ARHGEF7: variants seen among roughly 807,000 people sequenced by gnomAD.
The protein encoded by ARHGEF7 is PAK-interacting exchange factor beta.
In ARHGEF7, 33 loss-of-function variants were observed where a neutral mutation model predicts 109.8. The observed-to-expected ratio is 0.30, with a 90% CI of 0.23 to 0.40. ARHGEF7 has a LOEUF of 0.40. ARHGEF7 is among the 10% of genes least tolerant of loss of function. The probability of loss-of-function intolerance (pLI) is 1.00; values close to 1 mark genes in which losing one functional copy is unlikely to be tolerated. For missense variants in ARHGEF7, 938 were observed against 1,098.5 expected (o/e 0.85, Z 2.07); for synonymous variants, 458 against 424.6 (o/e 1.08, Z -0.97).
At chr13:111,265,370 G>T in intron 8 of ARHGEF7, 1 of 353,202 alleles carries the variant, frequency 2.8e-6, no homozygotes, top group South Asian at 2.1e-5. Context: ...AAAAATGGTT[G>T]AAAAACAGGG....
At chr13:111,203,692 A>T (rs1301611923) in intron 2 of ARHGEF7, among the ~76,000 whole-genome samples, 1 of 152,166 alleles carries the variant, frequency 6.6e-6, no homozygotes, top group African/African-American at 2.4e-5. Flanking sequence ...CTCTTGAGGT[A>T]GTTTTTCAAA....
chr13:111,211,159 A>G, intron 4 of ARHGEF7, among the ~76,000 whole-genome samples: 1 of 152,192 alleles, frequency 6.6e-6, no homozygotes, highest in East Asian at 1.9e-4. Context: ...TCCTCACAGC[A>G]GCCCCGAGAG....
chr13:111,299,394 G>C (rs926705978), intron 19 of ARHGEF7, among the ~76,000 whole-genome samples: 1 of 144,622 alleles, frequency 6.9e-6, no homozygotes, highest in Non-Finnish European at 1.5e-5. Context: ...CCAGGCTGGA[G>C]TGCAGTGGTG....
chr13:111,232,268 C>T (rs780723642), intron 5 of ARHGEF7, among the ~76,000 whole-genome samples: 2 of 152,114 alleles, frequency 1.3e-5, no homozygotes, highest in African/African-American at 4.8e-5. Context: ...CAGTGATGGA[C>T]GCCATACACT....
chr13:111,243,479 T>C (rs958950845), intron 6 of ARHGEF7, among the ~76,000 whole-genome samples: 6 of 152,216 alleles, frequency 3.9e-5, no homozygotes, highest in African/African-American at 1.4e-4. Flanking sequence ...TTAATACAAA[T>C]GGGATGATGC....
intron 2 of ARHGEF7, among the ~76,000 whole-genome samples, chr13:111,200,529 C>T (rs371693910): frequency 4.6e-5 from 7 of 151,670 alleles, no homozygotes; most frequent in East Asian, 1.9e-4. Context: ...TAGAGGTTAG[C>T]TGATTCAGCT....
intron 2 of ARHGEF7, among the ~76,000 whole-genome samples, chr13:111,203,918 ACG>A (rs1344574646): frequency 6.6e-6 from 1 of 152,152 alleles, no homozygotes. Context: ...ATGCTGGTGC[ACG>A]TCTCCATTCG....
chr13:111,135,577 C>T (rs1214713819), intron 1 of ARHGEF7, among the ~76,000 whole-genome samples: 2 of 152,152 alleles, frequency 1.3e-5, no homozygotes, highest in Non-Finnish European at 2.9e-5. Context: ...GGAGTTCACT[C>T]ATTATTTGGC....
intron 3 of ARHGEF7, among the ~76,000 whole-genome samples, chr13:111,205,780 C>G: frequency 6.6e-6 from 1 of 152,170 alleles, no homozygotes; most frequent in South Asian, 2.1e-4. Flanking sequence ...GGGAGTGGCT[C>G]GTGGATTGGC....
At chr13:111,217,085 A>T (rs56160629) in intron 4 of ARHGEF7, among the ~76,000 whole-genome samples, 15,640 of 152,280 alleles carry the variant, frequency 0.1, 1,111 homozygotes, top group Middle Eastern at 0.16. Flanking sequence ...TTTGGAGGAC[A>T]ATTTAGAAAG....
At chr13:111,205,659 G>T (rs12430351) in intron 3 of ARHGEF7, among the ~76,000 whole-genome samples, 2,163 of 152,216 alleles carry the variant, frequency 0.014, 28 homozygotes, top group Admixed American at 0.03. Context: ...TTATGGGAAG[G>T]CTCATGGGCT....
At chr13:111,244,497 CAA>C (rs2088414602) in intron 8 of ARHGEF7, among the ~76,000 whole-genome samples, 2 of 152,152 alleles carry the variant, frequency 1.3e-5, no homozygotes, top group African/African-American at 4.8e-5. Context: ...GAGAAAGACT[CAA>C]GAATGGTGAT....
rs148335211 is a variant in ARHGEF7, at chr13:111,289,771, G to A, written c.2134+1328G>A. Among the ~76,000 whole-genome samples, 572 of 149,284 alleles carry A rather than the reference G, an allele frequency of 3.8e-3. 1 individual carries two copies. The highest frequency in any genetic ancestry group is 6.8e-3 in the Middle Eastern group (2 of 294). On this transcript the variant is annotated intron_variant, in intron 18 of 21. Coordinates refer to ENST00000646102, the MANE Select transcript of ARHGEF7 (RefSeq NM_001354046.2). Reference sequence around the variant, plus strand: ...AGGATGAGCAGGGTAAATCCTTCACGGAATCTCGATTATCCAGAAGCTTCT... The same window carrying A: ...AGGATGAGCAGGGTAAATCCTTCACAGAATCTCGATTATCCAGAAGCTTCT...
chr13:111,216,031 T>G lies in ARHGEF7; in HGVS notation c.469-1648T>G, dbSNP rs557037025. 1.4e-4 allele frequency among the ~76,000 whole-genome samples: 22 copies of G among 152,360 alleles called. No homozygotes were observed. The South Asian group carries it at 4.6e-3, about 32-fold the overall frequency. ...CTGTTTTATTAATAACTTTTTTGTCTTTAGTTTTCAGAAGTTTAATTTATG... is the reference window on the plus strand; with the variant it reads ...CTGTTTTATTAATAACTTTTTTGTCGTTAGTTTTCAGAAGTTTAATTTATG... On this transcript the variant is annotated intron_variant, in intron 4 of 21. Transcript: ENST00000646102.
At chr13:111,279,393 T>C (rs1369422422) in intron 13 of ARHGEF7, among the ~76,000 whole-genome samples, 1 of 152,170 alleles carries the variant, frequency 6.6e-6, no homozygotes, top group Non-Finnish European at 1.5e-5. Context: ...CCTTACTTGC[T>C]GGAGGTCTGA....
rs1347296378 is a variant in ARHGEF7 at position 111,302,976 on chromosome 13, C to T, written c.2467-15C>T. 1.2e-6 allele frequency: 2 copies of T among 1,613,778 alleles called. No homozygotes were observed. The highest frequency in any genetic ancestry group is 1.1e-5 in the South Asian group (1 of 91,048). ...CCAAAGATAGTGAACACCCTGTGGT[C>T]TGCTTAATTTACAGGACAACAAAAA... is the stretch of plus-strand genomic sequence containing the variant. On this transcript the variant is annotated splice_polypyrimidine_tract_variant and intron_variant, in intron 21 of 21. Transcript: ENST00000646102.
intron 4 of ARHGEF7, 147 bp from the exon 5 acceptor site, chr13:111,217,532 C>A: frequency 1.4e-6 from 1 of 732,266 alleles, no homozygotes; most frequent in Non-Finnish European, 2.3e-6. Context: ...TCATGGGGCA[C>A]TGGAAGGGAG....
intron 2 of ARHGEF7, among the ~76,000 whole-genome samples, chr13:111,188,937 C>T (rs551944784): frequency 1.3e-4 from 20 of 152,272 alleles, no homozygotes; most frequent in African/African-American, 3.9e-4. Context: ...TAGATGATGG[C>T]GTATTAATAA....
intron 1 of ARHGEF7, among the ~76,000 whole-genome samples, chr13:111,148,118 G>A (rs1448266329): frequency 6.6e-6 from 1 of 152,230 alleles, no homozygotes; most frequent in African/African-American, 2.4e-5. Flanking sequence ...TTGCCATGCT[G>A]TGTGCAAGCT....
Sources: allele counts gnomAD v4.1 joint callset (sites outside exome capture counted in the v4.1 genomes callset), GRCh38; gene constraint gnomAD v4.1.1; transcripts MANE v1.5; gene names NCBI Gene and HGNC (gene_info 2026-07-23, HGNC 2026-07-21).